The following EYS variants were observed in gnomAD, a reference collection of about 807,000 sequenced individuals.
The protein encoded by EYS is EGF-like photoreceptor maintenance factor, also known as protein eyes shut homolog.
Under a neutral mutation model 282.1 loss-of-function variants are expected in EYS, and 250 were observed. The ratio of observed to expected loss-of-function variants is 0.89; its 90% CI spans 0.80 to 0.98. The LOEUF is 0.98. Among genes scored for constraint, EYS ranks in the 50% least tolerant of loss-of-function variants. EYS has a pLI of 0.00. For synonymous variants in EYS, 1,355 were observed against 1,282.9 expected, an observed-to-expected ratio of 1.06 and a Z score of -1.20; for missense variants, 4,016 against 3,709.0, an observed-to-expected ratio of 1.08 and a Z score of -2.15.
chr6:64,446,726 A>G (rs1259547118), intron 26 of EYS, among the ~76,000 whole-genome samples: 1 of 152,118 alleles, frequency 6.6e-6, no homozygotes, highest in African/African-American at 2.4e-5. Context: ...TGATAGTTTG[A>G]TAATTACTCT....
At chr6:64,116,602 A>G (rs1339745708) in intron 31 of EYS, among the ~76,000 whole-genome samples, 1 of 152,182 alleles carries the variant, frequency 6.6e-6, no homozygotes, top group East Asian at 1.9e-4. Flanking sequence ...TAAATGGGTA[A>G]GAAGAAAACA....
intron 31 of EYS, among the ~76,000 whole-genome samples, chr6:64,228,045 C>T (rs750632746): frequency 3.9e-5 from 6 of 152,056 alleles, no homozygotes; most frequent in Non-Finnish European, 7.4e-5. Context: ...CAACCTGAGT[C>T]ATGCTATAAA....
Position 63,721,138 on chromosome 6 carries a change from T to G in EYS, c.8893A>C (p.Ile2965Leu), listed in dbSNP as rs1295034102. 6.4e-7 allele frequency: 1 copy of G among 1,551,526 alleles called. No individual in the cohort carries two copies. Among genetic ancestry groups the G allele is most frequent in the Non-Finnish European group, 8.7e-7 (1 of 1,146,798 alleles). The change falls in exon 43 of 43, where the codon ATT (isoleucine) becomes CTT (leucine). Residue 2965 changes from isoleucine to leucine, a missense_variant. Physicochemically the swap from Ile to Leu is conservative, Grantham distance 5. Transcript: ENST00000503581. Reference protein sequence around the residue: ...STAKFMGNSYIKYIDPNYRMR... With the variant: ...STAKFMGNSYLKYIDPNYRMR... ...CTATAATTTGGATCAATGTATTTAA[T>G]GTAAGAATTACCCATAAATTTTGCA...
At chr6:64,124,120 T>G (rs1291289275) in intron 31 of EYS, among the ~76,000 whole-genome samples, 1 of 152,188 alleles carries the variant, frequency 6.6e-6, no homozygotes, top group Non-Finnish European at 1.5e-5. Flanking sequence ...CTGTAAAAGA[T>G]GTTTAAAGCA....
chr6:64,743,162 C>T (rs1772432023), intron 22 of EYS, among the ~76,000 whole-genome samples: 2 of 152,006 alleles, frequency 1.3e-5, no homozygotes, highest in Non-Finnish European at 2.9e-5. Flanking sequence ...CCTAAGTTTA[C>T]AGCATAAGAC....
At chr6:64,253,872 C>G (rs1030431781) in intron 30 of EYS, among the ~76,000 whole-genome samples, 3 of 152,098 alleles carry the variant, frequency 2.0e-5, no homozygotes, top group Admixed American at 2.0e-4. Context: ...ATAGGGCTAT[C>G]TTAACATGTC....
intron 14 of EYS, among the ~76,000 whole-genome samples, chr6:64,981,259 T>G (rs1770656090): frequency 6.6e-6 from 1 of 151,434 alleles, no homozygotes; most frequent in Admixed American, 6.6e-5. Flanking sequence ...TGCAAGGTAA[T>G]AGAGAAACCC....
At chr6:65,139,750 G>C (rs1192305334) in intron 12 of EYS, among the ~76,000 whole-genome samples, 2 of 151,996 alleles carry the variant, frequency 1.3e-5, no homozygotes, top group African/African-American at 2.4e-5. Flanking sequence ...CACTTTCACT[G>C]CTAGTAGGAA....
intron 33 of EYS, among the ~76,000 whole-genome samples, chr6:63,999,453 A>G (rs1767979138): frequency 6.6e-6 from 1 of 152,216 alleles, no homozygotes; most frequent in South Asian, 2.1e-4. Flanking sequence ...CACAAAATAA[A>G]AAGAGCTTCA....
intron 29 of EYS, among the ~76,000 whole-genome samples, chr6:64,320,879 T>C (rs1282653430): frequency 3.3e-5 from 5 of 151,820 alleles, no homozygotes; most frequent in African/African-American, 1.2e-4. Flanking sequence ...CTATATGCTT[T>C]TTAAAAAATA....
chr6:65,269,969 T>C (rs1767854308), intron 12 of EYS, among the ~76,000 whole-genome samples: 1 of 152,150 alleles, frequency 6.6e-6, no homozygotes. Flanking sequence ...ATGCAAAATA[T>C]ATTCAACTTA....
At chr6:64,533,706 T>G (rs1764427188) in intron 26 of EYS, among the ~76,000 whole-genome samples, 2 of 151,988 alleles carry the variant, frequency 1.3e-5, no homozygotes. Context: ...TTTAAGCTAA[T>G]GTAAAATTAT....
intron 22 of EYS, among the ~76,000 whole-genome samples, chr6:64,650,006 T>G (rs1490694574): frequency 6.6e-6 from 1 of 152,052 alleles, no homozygotes; most frequent in Non-Finnish European, 1.5e-5. Context: ...GAACAAATTT[T>G]AAAATCCAAA....
rs539479351 is a variant in EYS, at chr6:65,427,104, G to A, written c.863-21737C>T. Among the ~76,000 whole-genome samples, 6 of 152,080 alleles carry A rather than the reference G, an allele frequency of 3.9e-5. No individual in the cohort carries two copies. The South Asian group carries it at 1.2e-3, about 32-fold the overall frequency. Reference sequence around the variant, plus strand: ...AATTTGTAAAGTTTAGCCCCCTGAAGCTTTTTCTTTAAATGGTGTAGGGTA... The same window carrying A: ...AATTTGTAAAGTTTAGCCCCCTGAAACTTTTTCTTTAAATGGTGTAGGGTA... On this transcript the variant is annotated intron_variant, in intron 5 of 42. Coordinates refer to ENST00000503581, the MANE Select transcript of EYS (RefSeq NM_001142800.2).
chr6:65,306,822 G>A lies in EYS; in HGVS notation c.1767-10703C>T, dbSNP rs867627075. Among the ~76,000 whole-genome samples the A allele has an allele frequency of 6.7e-3, 328 of 49,286 alleles. 1 individual carries two copies. The highest frequency in any genetic ancestry group is 0.036 in the Middle Eastern group (1 of 28). 32.3% of individuals were successfully genotyped at this position (49,286 alleles called of 152,430 possible). A position where few individuals can be genotyped will look rare whatever the true frequency, so the allele number is the denominator to read the frequency against. On this transcript the variant is annotated intron_variant, in intron 11 of 42. Coordinates refer to ENST00000503581, the MANE Select transcript of EYS (RefSeq NM_001142800.2). ...CACTCCAGCCTGGGCAGCAGAGCAA[G>A]AGTCCGTCTCAAAAAAAAAAAAAAA...
chr6:64,280,393 T>C (rs1768264079), intron 30 of EYS, among the ~76,000 whole-genome samples: 1 of 152,080 alleles, frequency 6.6e-6, no homozygotes, highest in Admixed American at 6.6e-5. Context: ...ATTTTCCAGC[T>C]CAAAAATTCT....
intron 2 of EYS, among the ~76,000 whole-genome samples, chr6:65,611,411 A>G (rs1765995237): frequency 6.6e-6 from 1 of 152,006 alleles, no homozygotes; most frequent in African/African-American, 2.4e-5. Context: ...TGAATATAAT[A>G]TGGGTATATA....
At chr6:63,868,932 G>A (rs935888508) in intron 35 of EYS, among the ~76,000 whole-genome samples, 1 of 152,074 alleles carries the variant, frequency 6.6e-6, no homozygotes, top group African/African-American at 2.4e-5. Context: ...ATGTTATTTT[G>A]TGCTGTAAGG....
intron 1 of EYS, among the ~76,000 whole-genome samples, chr6:65,673,374 C>T (rs1175258057): frequency 6.6e-6 from 1 of 151,912 alleles, no homozygotes; most frequent in Non-Finnish European, 1.5e-5. Context: ...AAGCATTTGT[C>T]ATATACAATG....
Sources: allele counts gnomAD v4.1 joint callset (sites outside exome capture counted in the v4.1 genomes callset), GRCh38; gene constraint gnomAD v4.1.1; transcripts MANE v1.5; gene names NCBI Gene and HGNC (gene_info 2026-07-23, HGNC 2026-07-21).